Variants in TRPC6 observed in about 807,000 individuals in gnomAD.
The protein encoded by TRPC6 is short transient receptor potential channel 6.
Under a neutral mutation model 90.7 loss-of-function variants are expected in TRPC6, and 55 were observed. That is an observed-to-expected ratio of 0.61 (90% CI 0.49 to 0.76). TRPC6 has a LOEUF of 0.76. Ranked by LOEUF, TRPC6 falls within the 30% of genes least tolerant of loss-of-function variation. TRPC6 has a pLI of 0.00. For synonymous variants in TRPC6, 393 were observed against 393.0 expected (o/e 1.00, Z 0.00); for missense variants, 989 against 1,122.7 (o/e 0.88, Z 1.70).
intron 1 of TRPC6, among the ~76,000 whole-genome samples, chr11:101,531,468 C>T (rs1860910998): frequency 1.3e-5 from 2 of 152,250 alleles, no homozygotes; most frequent in South Asian, 4.1e-4. Context: ...TTCAGTATTG[C>T]TTTTTCTAGA....
chr11:101,508,859 AT>A (rs982720818), intron 1 of TRPC6, among the ~76,000 whole-genome samples: 15 of 152,014 alleles, frequency 9.9e-5, no homozygotes, highest in Non-Finnish European at 1.6e-4. Flanking sequence ...AACAAGCTCC[AT>A]TTTTTTTCAT....
Position 101,455,060 on chromosome 11 carries a change from A to G in TRPC6, c.2526T>C (p.Asp842=), listed in dbSNP as rs756053750. The change falls in exon 11 of 13, where the codon GAT becomes GAC. Residue 842 remains aspartate (D), a synonymous_variant. Transcript: ENST00000344327. ...GATTATTGAAACTATTTAGATGGAA[A>G]TCTTCTGAGCTCCTTATACTTGGTT... is the stretch of plus-strand genomic sequence containing the variant. ...NKQPSIRSSE[D]FHLNSFNNPP... The G allele has an allele frequency of 3.7e-6, 6 of 1,612,542 alleles. No individual in the cohort carries two copies. The African/African-American group carries it at 6.7e-5, about 18-fold the overall frequency.
intron 5 of TRPC6, among the ~76,000 whole-genome samples, chr11:101,479,350 A>G (rs1859495013): frequency 6.6e-6 from 1 of 152,154 alleles, no homozygotes; most frequent in African/African-American, 2.4e-5. Flanking sequence ...CCTTTTCACT[A>G]GTGTCTTCAA....
intron 1 of TRPC6, among the ~76,000 whole-genome samples, chr11:101,523,079 C>T (rs1200608171): frequency 6.6e-6 from 1 of 152,088 alleles, no homozygotes; most frequent in Non-Finnish European, 1.5e-5. Flanking sequence ...AATTATGATC[C>T]CATGAATTTA....
intron 2 of TRPC6, 46 bp from the exon 3 acceptor site, chr11:101,491,784 G>A (rs1174138142): frequency 1.3e-6 from 2 of 1,491,932 alleles, no homozygotes; most frequent in Non-Finnish European, 1.8e-6. Flanking sequence ...AGAATACCAC[G>A]TTTTACTATG....
intron 7 of TRPC6, among the ~76,000 whole-genome samples, chr11:101,473,190 C>G (rs781307698): frequency 3.3e-5 from 5 of 152,034 alleles, no homozygotes; most frequent in Non-Finnish European, 5.9e-5. Context: ...CTGGCTTGTT[C>G]CACACACAGC....
At chr11:101,469,301 A>C in intron 10 of TRPC6, 126 bp downstream of exon 10, 1 of 648,626 alleles carries the variant, frequency 1.5e-6, no homozygotes, top group Non-Finnish European at 2.8e-6. Flanking sequence ...AGATTTGTTA[A>C]AATAGTTGAA....
At chr11:101,473,897 C>T (rs890909067) in intron 6 of TRPC6, 124 bp from the exon 7 acceptor site, 1 of 1,306,544 alleles carries the variant, frequency 7.7e-7, no homozygotes, top group Non-Finnish European at 1.1e-6. Flanking sequence ...AGTCTCCTAT[C>T]TTAAAGGGCT....
intron 1 of TRPC6, among the ~76,000 whole-genome samples, chr11:101,573,946 GTGTGTGTGTGTA>G (rs1259932236): frequency 1.5e-5 from 2 of 131,504 alleles, no homozygotes; most frequent in Non-Finnish European, 3.4e-5. Flanking sequence ...GTGTGTGTGT[GTGTGTGTGTGTA>G]TGTGTGTGTG....
chr11:101,513,881 G>A (rs10895127), intron 1 of TRPC6, among the ~76,000 whole-genome samples: 74,311 of 151,852 alleles, frequency 0.49, 18,529 homozygotes, highest in African/African-American at 0.55. Flanking sequence ...CTGATTCCCA[G>A]AGATAATGGT....
intron 1 of TRPC6, among the ~76,000 whole-genome samples, chr11:101,547,183 A>G (rs1234213350): frequency 6.6e-6 from 1 of 152,136 alleles, no homozygotes; most frequent in Non-Finnish European, 1.5e-5. Flanking sequence ...TGTATTATTT[A>G]CTTTTCTACA....
At chr11:101,579,916 C>A (rs536942532) in intron 1 of TRPC6, among the ~76,000 whole-genome samples, 1 of 152,180 alleles carries the variant, frequency 6.6e-6, no homozygotes, top group South Asian at 2.1e-4. Flanking sequence ...ACTCACAGGG[C>A]AACCACATCA....
At chr11:101,562,999 T>A (rs996720152) in intron 1 of TRPC6, among the ~76,000 whole-genome samples, 2 of 152,212 alleles carry the variant, frequency 1.3e-5, no homozygotes, top group Admixed American at 6.5e-5. Context: ...CTGCCAGTAA[T>A]CTGGAAAACT....
At chr11:101,476,702 C>A (rs1388184156) in intron 5 of TRPC6, among the ~76,000 whole-genome samples, 168 bp from the exon 6 acceptor site, 1 of 152,144 alleles carries the variant, frequency 6.6e-6, no homozygotes, top group Non-Finnish European at 1.5e-5. Flanking sequence ...ATATCCTAGT[C>A]CAGAAATATC....
At chr11:101,527,746 G>A (rs1268024298) in intron 1 of TRPC6, among the ~76,000 whole-genome samples, 1 of 151,958 alleles carries the variant, frequency 6.6e-6, no homozygotes, top group East Asian at 1.9e-4. Flanking sequence ...ATTCATGATA[G>A]TACAAACATT....
chr11:101,525,040 G>T (rs935013643), intron 1 of TRPC6, among the ~76,000 whole-genome samples: 1 of 150,932 alleles, frequency 6.6e-6, no homozygotes, highest in Non-Finnish European at 1.5e-5. Context: ...AGGAATTGTT[G>T]AAGAGATGAA....
At position 101,455,273 on chromosome 11, in the gene TRPC6, T is replaced by C. The variant is rs1858857669; in HGVS notation, c.2485-172A>G. 5 of 599,190 alleles carry C rather than the reference T, an allele frequency of 8.3e-6. No individual in the cohort carries two copies. The South Asian group carries it at 9.8e-5, about 12-fold the overall frequency. The allele number at this position is 599,190 out of a possible 1,614,324, so 37.1% of individuals were successfully genotyped here. On this transcript the variant is annotated intron_variant, in intron 10 of 12. Transcript: ENST00000344327. ...CTTCCAAGACAAATCAGTGACATTTTAGGTGTGTTCAGTTTGTTAATGGCT... is the reference window on the plus strand; with the variant it reads ...CTTCCAAGACAAATCAGTGACATTTCAGGTGTGTTCAGTTTGTTAATGGCT...
chr11:101,521,442 GAAACTATTC>G (rs1379080768), intron 1 of TRPC6, among the ~76,000 whole-genome samples: 2 of 152,374 alleles, frequency 1.3e-5, no homozygotes, highest in African/African-American at 4.8e-5. Flanking sequence ...AGGATGTATG[GAAACTATTC>G]CATGTCCAGG....
At chr11:101,495,834 G>A (rs1247203964) in intron 2 of TRPC6, among the ~76,000 whole-genome samples, 1 of 152,004 alleles carries the variant, frequency 6.6e-6, no homozygotes, top group East Asian at 1.9e-4. Context: ...ATTAAGATGG[G>A]AGTTTGTAAA....
Sources: allele counts gnomAD v4.1 joint callset (sites outside exome capture counted in the v4.1 genomes callset), GRCh38; gene constraint gnomAD v4.1.1; transcripts MANE v1.5; gene names NCBI Gene and HGNC (gene_info 2026-07-23, HGNC 2026-07-21).